The following AKT2 variants were observed in gnomAD, a reference collection of about 807,000 sequenced individuals.
AKT2 encodes the protein RAC-beta serine/threonine-protein kinase.
In AKT2, 16 loss-of-function variants were observed where a neutral mutation model predicts 58.6. That is an observed-to-expected ratio of 0.27 (90% CI 0.18 to 0.41). The LOEUF is 0.41. Ranked by LOEUF, AKT2 falls within the 10% of genes least tolerant of loss-of-function variation. The pLI is 1.00. For missense variants in AKT2, 438 were observed against 661.0 expected (o/e 0.66, Z 3.70); for synonymous variants, 253 against 254.0 (o/e 1.00, Z 0.04).
chr19:40,276,740 G>A (rs931404631), intron 1 of AKT2, among the ~76,000 whole-genome samples: 7 of 152,078 alleles, frequency 4.6e-5, no homozygotes, highest in Non-Finnish European at 7.4e-5. Flanking sequence ...TGCAGGCCAG[G>A]TGCAGTGATT....
chr19:40,235,609 C>T lies in AKT2; in HGVS notation c.1176-259G>A, dbSNP rs1277509097. Reference sequence around the variant, plus strand: ...GAAAGGGAGTTAGTAGGGCAGGCTCCGTTCCTATCCTGGCTCTGCCACATA... The same window carrying T: ...GAAAGGGAGTTAGTAGGGCAGGCTCTGTTCCTATCCTGGCTCTGCCACATA... On this transcript the variant is annotated intron_variant, in intron 11 of 13. Coordinates refer to ENST00000392038, the MANE Select transcript of AKT2 (RefSeq NM_001626.6). This position sits in a 1 kb window ranked among gnomAD's most constrained non-coding sequence, Gnocchi z 6.3. 2 of 613,982 alleles carry T rather than the reference C, an allele frequency of 3.3e-6. No homozygotes were observed. The highest frequency in any genetic ancestry group is 5.8e-6 in the Non-Finnish European group (2 of 347,112). The allele number at this position is 613,982 out of a possible 1,614,324, so 38.0% of individuals were successfully genotyped here.
At position 40,256,391 on chromosome 19, in the gene AKT2, C is replaced by CA. The variant is rs533220963; in HGVS notation, c.175+534dup. On this transcript the variant is annotated intron_variant, in intron 3 of 13. Transcript: ENST00000392038. ...TCAGGTCAGCAAGGAAGGAAGGCGGCAGAAAGGGGCAGCGATGTGGACAGG... is the reference window on the plus strand; with the variant it reads ...TCAGGTCAGCAAGGAAGGAAGGCGGCAAGAAAGGGGCAGCGATGTGGACAGG... Among the ~76,000 whole-genome samples, 22 of 152,252 alleles carry CA rather than the reference C, an allele frequency of 1.4e-4. No homozygotes were observed. In the East Asian group the frequency reaches 4.1e-3, roughly 28 times the overall value.
Position 40,241,985 on chromosome 19 carries a change from G to T in AKT2, c.526C>A (p.Arg176Ser). Residue 176 changes from arginine to serine, a missense_variant, in exon 6 of 14, where the codon CGC becomes AGC. By Grantham distance (110) the Arg-to-Ser change is moderately radical. This residue lies in a region of AKT2 where 244 missense variants were observed against 347.1 expected (regional missense o/e 0.70). Transcript: ENST00000392038. ...VILVREKATGRYYAMKILRKE... is the reference protein window; with the variant it reads ...VILVREKATGSYYAMKILRKE... Reference sequence around the variant, plus strand: ...CGCAGGATCTTCATGGCGTAGTAGCGGCCAGTGGCCTTCTCCCGCACCAGG... The same window carrying T: ...CGCAGGATCTTCATGGCGTAGTAGCTGCCAGTGGCCTTCTCCCGCACCAGG... 1 of 1,614,224 alleles carries T rather than the reference G, an allele frequency of 6.2e-7. No individual in the cohort carries two copies. The highest frequency in any genetic ancestry group is 1.1e-5 in the South Asian group (1 of 91,086).
At chr19:40,257,119 G>T in intron 2 of AKT2, 65 bp from the exon 3 acceptor site, 1 of 1,590,126 alleles carries the variant, frequency 6.3e-7, no homozygotes. Context: ...CCAGGTAGGC[G>T]GCAGGAGGCC....
At chr19:40,276,442 T>G (rs2077327572) in intron 1 of AKT2, among the ~76,000 whole-genome samples, 1 of 132,010 alleles carries the variant, frequency 7.6e-6, no homozygotes. Flanking sequence ...CTTGGCTCAC[T>G]GCAACCTCTG....
Position 40,242,588 on chromosome 19 carries a change from G to A in AKT2, c.387C>T (p.Asp129=), listed in dbSNP as rs1250149253. The change falls in exon 5 of 14, where the codon GAC becomes GAT. Residue 129 remains aspartate (D), a synonymous_variant. Transcript: ENST00000392038. This position sits in a 1 kb window ranked among gnomAD's most constrained non-coding sequence, Gnocchi z 4.3. ...CTTCCATCTCCTCAGTCGTGGAGGAGTCACTGGGGGAGCCACACTTGTAGT... is the reference window on the plus strand; with the variant it reads ...CTTCCATCTCCTCAGTCGTGGAGGAATCACTGGGGGAGCCACACTTGTAGT... The part of the protein sequence containing the change: ...PMDYKCGSPS[D]SSTTEEMEVA... The A allele has an allele frequency of 2.5e-6, 4 of 1,613,790 alleles. No homozygotes were observed. In the African/African-American group the frequency reaches 5.3e-5, roughly 22 times the overall value.
At chr19:40,244,719 G>A (rs1198305170) in intron 4 of AKT2, among the ~76,000 whole-genome samples, 1 of 152,216 alleles carries the variant, frequency 6.6e-6, no homozygotes, top group Non-Finnish European at 1.5e-5. Flanking sequence ...AAGCCACAGG[G>A]AGTGCAGCCA....
intron 4 of AKT2, chr19:40,243,318 C>T (rs1309895084): frequency 1.3e-5 from 2 of 154,332 alleles, no homozygotes; most frequent in African/African-American, 4.8e-5. Flanking sequence ...AGAGAGAGTG[C>T]TCCTGTGAAT....
At chr19:40,252,266 C>T (rs1329218873) in intron 4 of AKT2, among the ~76,000 whole-genome samples, 3 of 152,204 alleles carry the variant, frequency 2.0e-5, no homozygotes, top group Non-Finnish European at 4.4e-5. Context: ...TCACCCCCTC[C>T]ACCCACCCAT....
chr19:40,267,952 A>AG (rs5828062), intron 1 of AKT2, among the ~76,000 whole-genome samples: 148,165 of 152,268 alleles, frequency 0.97, 72,112 homozygotes, highest in African/African-American at 0.99. Context: ...TGAGCTGTGT[A>AG]ACACATGAGG....
At chr19:40,239,385 G>A (rs1315063422) in intron 7 of AKT2, 1 of 237,786 alleles carries the variant, frequency 4.2e-6, no homozygotes, top group African/African-American at 2.3e-5. Context: ...ACAAACAGTA[G>A]TTCTCCACTG....
intron 1 of AKT2, among the ~76,000 whole-genome samples, chr19:40,276,486 C>T (rs1260452170): frequency 2.7e-5 from 4 of 147,192 alleles, no homozygotes; most frequent in African/African-American, 9.9e-5. Context: ...CTGTCTCAAC[C>T]TCCCGAATAG....
intron 4 of AKT2, chr19:40,243,640 G>C (rs1030738151): frequency 1.3e-5 from 2 of 152,296 alleles, no homozygotes; most frequent in Non-Finnish European, 2.9e-5. Context: ...TGTAATCCCA[G>C]CATTTTGGGA....
Position 40,235,680 on chromosome 19 carries a change from G to A in AKT2, c.1175+210C>T, listed in dbSNP as rs1184693818. ...GGCCCAGGGGATGCCCTGTTCCTCA[G>A]TGTCCCCATAAAATAAGGCAGTGTC... On this transcript the variant is annotated intron_variant, in intron 11 of 13. Coordinates refer to ENST00000392038, the MANE Select transcript of AKT2 (RefSeq NM_001626.6). This position sits in a 1 kb window ranked among gnomAD's most constrained non-coding sequence, Gnocchi z 6.3. Among the ~76,000 whole-genome samples the A allele has an allele frequency of 6.6e-6, 1 of 152,174 alleles. No homozygotes were observed. The highest frequency in any genetic ancestry group is 1.5e-5 in the Non-Finnish European group (1 of 68,032).
At chr19:40,255,542 G>A (rs909577526) in intron 3 of AKT2, among the ~76,000 whole-genome samples, 5 of 152,196 alleles carry the variant, frequency 3.3e-5, no homozygotes, top group African/African-American at 9.7e-5. Flanking sequence ...CTCAGAGGTA[G>A]CATCCAACCC....
intron 2 of AKT2, among the ~76,000 whole-genome samples, chr19:40,263,031 G>A (rs1976077630): frequency 6.6e-6 from 1 of 152,188 alleles, no homozygotes; most frequent in Non-Finnish European, 1.5e-5. Flanking sequence ...AGGTGTGTCA[G>A]AGCTAGGCCA....
intron 4 of AKT2, among the ~76,000 whole-genome samples, chr19:40,253,267 T>C (rs1004834241): frequency 1.3e-5 from 2 of 152,184 alleles, no homozygotes; most frequent in African/African-American, 2.4e-5. Context: ...GACGGCATGA[T>C]TTTAGGGCTC....
Position 40,237,679 on chromosome 19 carries a change from T to C in AKT2, c.831+290A>G, listed in dbSNP as rs1037293349. ...ACAAATAAAGTAGGTATTGTGGCAG[T>C]TGACACTCCGCTAGTGGCCTAGGAG... is the stretch of plus-strand genomic sequence containing the variant. On this transcript the variant is annotated intron_variant, in intron 9 of 13. Transcript: ENST00000392038. The surrounding 1 kb of genome is among the most constrained non-coding windows in gnomAD (Gnocchi z 4.5). 8.1e-5 allele frequency: 34 copies of C among 417,522 alleles called. No homozygotes were observed. In the East Asian group the frequency reaches 1.4e-3, roughly 17 times the overall value. 25.9% of individuals were successfully genotyped at this position (417,522 alleles called of 1,614,324 possible).
chr19:40,264,043 T>C lies in AKT2; in HGVS notation c.46+1179A>G, dbSNP rs375406985. On this transcript the variant is annotated intron_variant, in intron 2 of 13. Coordinates refer to ENST00000392038, the MANE Select transcript of AKT2 (RefSeq NM_001626.6). ...TCTGCCTGGGAGCTGTCTGCCTCCC[T>C]GTCAGCGCCCAAGATACTAACACGA... Among the ~76,000 whole-genome samples, 4 of 152,064 alleles carry C rather than the reference T, an allele frequency of 2.6e-5. No homozygotes were observed. The East Asian group carries it at 7.7e-4, about 29-fold the overall frequency.
Sources: allele counts gnomAD v4.1 joint callset (sites outside exome capture counted in the v4.1 genomes callset), GRCh38; gene constraint gnomAD v4.1.1; regional missense constraint gnomAD v4.1.1; non-coding constraint Gnocchi (gnomAD v3.1); transcripts MANE v1.5; gene names NCBI Gene and HGNC (gene_info 2026-07-23, HGNC 2026-07-21).